CHD8: variants seen among roughly 807,000 people sequenced by gnomAD.
CHD8 encodes ATP-dependent chromatin remodeler CHD8.
In CHD8, 31 loss-of-function variants were observed where a neutral mutation model predicts 279.2. The observed-to-expected ratio is 0.11, with a 90% CI of 0.08 to 0.15. The LOEUF (loss-of-function observed/expected upper bound fraction) is 0.15. CHD8 is among the 10% of genes least tolerant of loss of function. CHD8 has a pLI of 1.00. For synonymous variants in CHD8, 1,081 were observed against 1,139.6 expected, an observed-to-expected ratio of 0.95 and a Z score of 1.04; for missense variants, 2,146 against 3,230.5, an observed-to-expected ratio of 0.66 and a Z score of 8.14.
At chr14:21,452,409 G>A (rs997604923) in intron 1 of CHD8, among the ~76,000 whole-genome samples, 3 of 152,148 alleles carry the variant, frequency 2.0e-5, no homozygotes, top group Middle Eastern at 3.4e-3. Flanking sequence ...TTGGGAGGCC[G>A]AGGCAGGCAG....
intron 5 of CHD8, among the ~76,000 whole-genome samples, chr14:21,423,936 G>A (rs914836525): frequency 2.0e-5 from 3 of 152,130 alleles, no homozygotes; most frequent in Admixed American, 2.0e-4. Flanking sequence ...GTAGAGTCAA[G>A]AAAAGAACCC....
chr14:21,390,828 T>G, intron 37 of CHD8, 119 bp downstream of exon 37: 1 of 633,230 alleles, frequency 1.6e-6, no homozygotes, highest in Non-Finnish European at 2.7e-6. Flanking sequence ...TCAAGATAAT[T>G]CTTCACACAA....
intron 35 of CHD8, 45 bp from the exon 36 acceptor site, chr14:21,391,687 G>T: frequency 1.3e-6 from 2 of 1,539,160 alleles, no homozygotes; most frequent in Non-Finnish European, 1.8e-6. Flanking sequence ...CTCTTCTTTG[G>T]GGGAGGGAGG....
rs370298280 is a variant in CHD8 at position 21,394,930 on chromosome 14, C to T, written c.5372G>A (p.Arg1791Gln). The T allele has an allele frequency of 1.3e-5, 21 of 1,613,820 alleles. No individual in the cohort carries two copies. The highest frequency in any genetic ancestry group is 8.9e-5 in the East Asian group (4 of 44,898). The change falls in exon 30 of 38, where the codon CGG becomes CAG. Residue 1791 changes from arginine to glutamine, a missense_variant. By Grantham distance (43) the Arg-to-Gln change is conservative (BLOSUM62 1). Transcript: ENST00000646647. ...ATTTTACCGTTGTTGTTTCTCCCGC[C>T]GTGCAATTTCTTTCAGCTTGAAGGC... Reference protein sequence around the residue: ...EAAFKLKEIARREKQQRWTRR... With the variant: ...EAAFKLKEIAQREKQQRWTRR...
chr14:21,432,592 C>T (rs1451242089), intron 1 of CHD8, among the ~76,000 whole-genome samples: 3 of 152,202 alleles, frequency 2.0e-5, no homozygotes, highest in African/African-American at 7.2e-5. Context: ...AACTAGACTA[C>T]ACAATTCCCT....
At chr14:21,413,411 T>C (rs185088497) in intron 9 of CHD8, among the ~76,000 whole-genome samples, 4,547 of 151,716 alleles carry the variant, frequency 0.03, 186 homozygotes, top group African/African-American at 0.11. Flanking sequence ...TTTTTTTTTT[T>C]TGAGGTAGAG....
At chr14:21,391,775 T>A (rs1437295150) in intron 35 of CHD8, 58 bp downstream of exon 35, 2 of 1,530,212 alleles carry the variant, frequency 1.3e-6, no homozygotes, top group African/African-American at 2.7e-5. Context: ...CCTTCATCAA[T>A]TATTGGGAAT....
chr14:21,430,583 T>C, intron 2 of CHD8: 1 of 527,384 alleles, frequency 1.9e-6, no homozygotes, highest in Non-Finnish European at 3.4e-6. Context: ...ACCAGCTAGG[T>C]ACAATGTAAA....
chr14:21,416,163 T>C, intron 5 of CHD8: 1 of 346,080 alleles, frequency 2.9e-6, no homozygotes, highest in East Asian at 4.7e-5. Context: ...CAAGAAGCTC[T>C]GGGAAATCAA....
intron 1 of CHD8, among the ~76,000 whole-genome samples, chr14:21,438,944 T>C (rs1373293589): frequency 2.6e-5 from 4 of 152,194 alleles, no homozygotes; most frequent in East Asian, 1.9e-4. Flanking sequence ...TTGGCCAACA[T>C]AGCGAAACCC....
chr14:21,427,780 T>C, intron 4 of CHD8, 89 bp downstream of exon 4: 1 of 1,527,464 alleles, frequency 6.5e-7, no homozygotes, highest in Non-Finnish European at 8.8e-7. Flanking sequence ...AGATGTTTGC[T>C]CTGCCCTCAA....
intron 5 of CHD8, among the ~76,000 whole-genome samples, chr14:21,418,410 C>T (rs2139506982): frequency 6.6e-6 from 1 of 152,174 alleles, no homozygotes; most frequent in South Asian, 2.1e-4. Context: ...ATCCTAGCTA[C>T]TAGGGAGGCT....
At chr14:21,394,714 G>A (rs1482519436) in intron 30 of CHD8, 198 bp downstream of exon 30, 2 of 614,458 alleles carry the variant, frequency 3.3e-6, no homozygotes, top group African/African-American at 3.8e-5. Flanking sequence ...CAATGAAAAT[G>A]TCTACACAGG....
At chr14:21,430,720 G>A (rs944819940) in intron 2 of CHD8, 81 bp downstream of exon 2, 9 of 822,130 alleles carry the variant, frequency 1.1e-5, no homozygotes, top group Non-Finnish European at 1.5e-5. Context: ...CCCAGAGAAA[G>A]CTCTCATGTG....
chr14:21,386,237 A>G, intron 37 of CHD8, 61 bp from the exon 38 acceptor site: 3 of 1,444,782 alleles, frequency 2.1e-6, no homozygotes, highest in South Asian at 2.7e-5. Flanking sequence ...AAAGAAACCA[A>G]AGCCAACAGA....
rs767279724 is a variant in CHD8 at position 21,408,854 on chromosome 14, A to T, written c.2365-29T>A. On this transcript the variant is annotated intron_variant, in intron 11 of 37. Transcript: ENST00000646647. This position sits in a 1 kb window ranked among gnomAD's most constrained non-coding sequence, Gnocchi z 4.3. ...AAAAACAAGACGTTTGAATAAATGG[A>T]GTGGAGACATTATCAAAAGGTAAGA... 1.5e-5 allele frequency: 24 copies of T among 1,590,688 alleles called. No homozygotes were observed. The East Asian group carries it at 5.2e-4, about 34-fold the overall frequency.
Position 21,390,962 on chromosome 14 carries a change from A to G in CHD8, c.7167T>C (p.Ser2389=). 1.3e-6 allele frequency: 2 copies of G among 1,589,574 alleles called. No individual in the cohort carries two copies. The highest frequency in any genetic ancestry group is 1.7e-6 in the Non-Finnish European group (2 of 1,162,456). Residue 2389 remains serine (S), a synonymous_variant, in exon 37 of 38, where the codon TCT becomes TCC. Transcript: ENST00000646647. ...TTTCTCTCACCTTTTTCCCATTTCTAGAGTTAGCTGTCTGTACTGGTTCCA... is the reference window on the plus strand; with the variant it reads ...TTTCTCTCACCTTTTTCCCATTTCTGGAGTTAGCTGTCTGTACTGGTTCCA... ...LGMEPVQTAN[S]RNGKKGHHTE... is the part of the protein sequence containing the mutation.
At chr14:21,428,401 C>G (rs901453786) in intron 3 of CHD8, 147 bp from the exon 4 acceptor site, 40 of 727,776 alleles carry the variant, frequency 5.5e-5, no homozygotes, top group Middle Eastern at 3.9e-4. Context: ...CCTACACCTA[C>G]TTTTTAAAAT....
chr14:21,406,110 T>TA (rs1888244287), intron 14 of CHD8, among the ~76,000 whole-genome samples: 6 of 152,156 alleles, frequency 3.9e-5, no homozygotes, highest in Admixed American at 2.0e-4. Flanking sequence ...ATAAGCAAAT[T>TA]AAAAAACAGT....
Sources: gnomAD v4.1 joint callset for allele counts (sites outside exome capture counted in the v4.1 genomes callset) on GRCh38, gnomAD v4.1.1 for gene constraint, Gnocchi (gnomAD v3.1) non-coding constraint, MANE v1.5 for transcripts, NCBI Gene and HGNC (gene_info 2026-07-23, HGNC 2026-07-21) for gene names.